Variants in CCR5AS observed in about 807,000 individuals in gnomAD.
The protein encoded by CCR5AS is CCR5 antisense RNA.
intron 2 of CCR5AS, chr3:46,375,096 A>G (rs1228862216): frequency 6.0e-6 from 1 of 167,178 alleles, no homozygotes; most frequent in Non-Finnish European, 1.5e-5. Flanking sequence ...GGTCAAGAAG[A>G]AGATGGATTG....
rs41414147 is a variant in CCR5AS at position 46,374,251 on chromosome 3, G to C, written n.392-2834C>G. The C allele has an allele frequency of 6.9e-3, 1,924 of 279,828 alleles. 9 individuals are homozygous for C. The highest frequency in any genetic ancestry group is 0.031 in the South Asian group (205 of 6,602). 17.3% of individuals were successfully genotyped at this position (279,828 alleles called of 1,614,324 possible). A position where few individuals can be genotyped will look rare whatever the true frequency, so the allele number is the denominator to read the frequency against. On this transcript the variant is annotated intron_variant and non_coding_transcript_variant, in intron 2 of 3. Coordinates refer to ENST00000451485, the Ensembl canonical transcript of CCR5AS. ...GACAAACTCTCCCTTCACTCCGAAA[G>C]TTCCTTATGTATATTTAAAAGAAAG... is the stretch of plus-strand genomic sequence containing the variant.
chr3:46,397,947 T>C (rs558265007), intron 1 of CCR5AS, among the ~76,000 whole-genome samples: 1 of 152,202 alleles, frequency 6.6e-6, no homozygotes, highest in East Asian at 1.9e-4. Context: ...AAAAAGGCCA[T>C]GTCCGTGTAA....
chr3:46,379,644 C>T (rs907979045), intron 2 of CCR5AS, among the ~76,000 whole-genome samples: 1 of 152,138 alleles, frequency 6.6e-6, no homozygotes, highest in African/African-American at 2.4e-5. Context: ...CCTGTAATCC[C>T]AGCACTTTGG....
chr3:46,375,658 A>C, intron 2 of CCR5AS: 1 of 151,918 alleles, frequency 6.6e-6, no homozygotes, highest in Non-Finnish European at 1.6e-5. Context: ...TTCAGACTGA[A>C]TGGGGGTGGG....
chr3:46,397,803 C>A (rs1263884514), intron 1 of CCR5AS, among the ~76,000 whole-genome samples: 1 of 152,232 alleles, frequency 6.6e-6, no homozygotes, highest in Non-Finnish European at 1.5e-5. Context: ...ATTTATAAGA[C>A]AGTGGGCACT....
chr3:46,371,564 G>T (rs1462063735), intron 2 of CCR5AS: 2 of 152,154 alleles, frequency 1.3e-5, no homozygotes, highest in Non-Finnish European at 2.9e-5. Flanking sequence ...CAGCTGCCTA[G>T]TCTAAGGTGC....
chr3:46,383,542 T>G (rs1346878907), intron 2 of CCR5AS, among the ~76,000 whole-genome samples: 1 of 152,072 alleles, frequency 6.6e-6, no homozygotes, highest in Non-Finnish European at 1.5e-5. Flanking sequence ...TCAGTCTACT[T>G]CCGGGGCCCT....
chr3:46,374,240 T>C (rs1217360546), intron 2 of CCR5AS: 9 of 306,048 alleles, frequency 2.9e-5, no homozygotes, highest in Admixed American at 2.8e-4. Context: ...AACTCTCCCT[T>C]CACTCCGAAA....
Position 46,379,486 on chromosome 3 carries a change from C to T in CCR5AS, n.392-8069G>A, listed in dbSNP as rs558550697. Among the ~76,000 whole-genome samples the T allele has an allele frequency of 5.3e-5, 8 of 152,096 alleles. No homozygotes were observed. In the East Asian group the frequency reaches 5.8e-4, roughly 11 times the overall value. On this transcript the variant is annotated intron_variant and non_coding_transcript_variant, in intron 2 of 3. Transcript: ENST00000451485. ...TCTATTATTGTTATTGTAACTGAACCGCAGATTAGTCACTCATTGCTTGCA... is the reference window on the plus strand; with the variant it reads ...TCTATTATTGTTATTGTAACTGAACTGCAGATTAGTCACTCATTGCTTGCA...
At chr3:46,387,306 G>A (rs1004346703) in intron 2 of CCR5AS, among the ~76,000 whole-genome samples, 4 of 152,136 alleles carry the variant, frequency 2.6e-5, no homozygotes, top group African/African-American at 4.8e-5. Context: ...ACTGCCCTGG[G>A]TCATGTGTTT....
At chr3:46,395,064 G>T (rs1249050942) in intron 1 of CCR5AS, among the ~76,000 whole-genome samples, 1 of 152,152 alleles carries the variant, frequency 6.6e-6, no homozygotes, top group Admixed American at 6.5e-5. Flanking sequence ...TATAGCAGAG[G>T]CCTCTTCCAA....
intron 1 of CCR5AS, among the ~76,000 whole-genome samples, chr3:46,400,049 A>G (rs1303568070): frequency 1.3e-5 from 2 of 152,150 alleles, no homozygotes; most frequent in Admixed American, 6.5e-5. Flanking sequence ...GTGTAGTAGT[A>G]GTAGCACAAT....
At chr3:46,403,695 G>A (rs1702021029) in intron 1 of CCR5AS, among the ~76,000 whole-genome samples, 2 of 152,300 alleles carry the variant, frequency 1.3e-5, no homozygotes, top group South Asian at 2.1e-4. Flanking sequence ...GAAACTGCCC[G>A]AAGGGGTACC....
intron 2 of CCR5AS, chr3:46,373,250 C>T: frequency 6.2e-7 from 1 of 1,614,150 alleles, no homozygotes; most frequent in East Asian, 2.2e-5. Flanking sequence ...TCTCTGGAAT[C>T]TTCTTCATCA....
chr3:46,371,487 A>G (rs193039140), intron 2 of CCR5AS: 32 of 152,324 alleles, frequency 2.1e-4, no homozygotes, highest in African/African-American at 7.5e-4. Context: ...TATCAGTTTC[A>G]TGGCACAGTT....
intron 2 of CCR5AS, among the ~76,000 whole-genome samples, chr3:46,388,489 A>T (rs1701881373): frequency 6.6e-6 from 1 of 152,208 alleles, no homozygotes; most frequent in Non-Finnish European, 1.5e-5. Flanking sequence ...CAGGACATCC[A>T]ATTAGAGAGT....
intron 2 of CCR5AS, chr3:46,373,914 G>C: frequency 6.3e-7 from 1 of 1,596,770 alleles, no homozygotes; most frequent in Non-Finnish European, 8.6e-7. Context: ...AGCAAGCTCA[G>C]TTTACACCCG....
At chr3:46,394,211 G>A (rs556067009) in intron 1 of CCR5AS, among the ~76,000 whole-genome samples, 7 of 152,108 alleles carry the variant, frequency 4.6e-5, no homozygotes, top group African/African-American at 1.7e-4. Flanking sequence ...CAACATCCTG[G>A]AACACTCAGG....
chr3:46,382,328 C>T (rs1396415312), intron 2 of CCR5AS, among the ~76,000 whole-genome samples: 1 of 152,180 alleles, frequency 6.6e-6, no homozygotes, highest in East Asian at 1.9e-4. Context: ...GTCTTTTGGG[C>T]CCTGTGTAAA....
Sources: gnomAD v4.1 joint callset for allele counts (sites outside exome capture counted in the v4.1 genomes callset) on GRCh38, gnomAD v4.1.1 for gene constraint, MANE v1.5 for transcripts, NCBI Gene and HGNC (gene_info 2026-07-23, HGNC 2026-07-21) for gene names.